BEND5: variants seen among roughly 807,000 people sequenced by gnomAD.
BEND5 encodes BEN domain-containing protein 5.
BEND5 carries 22 observed loss-of-function variants against 43.9 expected under a neutral mutation model. The observed-to-expected ratio is 0.50, with a 90% CI of 0.36 to 0.72. The LOEUF is 0.72. Among genes scored for constraint, BEND5 ranks in the 30% least tolerant of loss-of-function variants. BEND5 has a pLI of 0.00. For synonymous variants in BEND5, 228 were observed against 225.9 expected (o/e 1.01, Z -0.08); for missense variants, 428 against 550.6 (o/e 0.78, Z 2.23).
At chr1:48,776,388 G>A (rs1270983113) in intron 1 of BEND5, among the ~76,000 whole-genome samples, 1 of 152,186 alleles carries the variant, frequency 6.6e-6, no homozygotes, top group Non-Finnish European at 1.5e-5. Context: ...GGGAGCTTCG[G>A]GGAAGCGGGG....
intron 5 of BEND5, among the ~76,000 whole-genome samples, chr1:48,733,926 C>T (rs72904827): frequency 0.02 from 3,056 of 152,200 alleles, 113 homozygotes; most frequent in African/African-American, 0.07. Flanking sequence ...GAAGGAGACA[C>T]ACAGCAGATG....
chr1:48,730,355 G>A (rs569788668), intron 5 of BEND5, among the ~76,000 whole-genome samples: 39 of 152,284 alleles, frequency 2.6e-4, no homozygotes, highest in African/African-American at 9.1e-4. Flanking sequence ...CCTAGATGCT[G>A]TGCAACCTCT....
At chr1:48,748,980 A>C (rs1367186595) in intron 3 of BEND5, among the ~76,000 whole-genome samples, 5 of 151,936 alleles carry the variant, frequency 3.3e-5, no homozygotes, top group Admixed American at 1.3e-4. Flanking sequence ...GTGGGGCCAT[A>C]CCCTCGGGGA....
At chr1:48,742,526 A>G in intron 4 of BEND5, 97 bp downstream of exon 4, 1 of 1,259,788 alleles carries the variant, frequency 7.9e-7, no homozygotes, top group East Asian at 2.8e-5. Context: ...GAGGCCAACC[A>G]GTCAAGCTGC....
Position 48,727,663 on chromosome 1 carries a change from C to G in BEND5, c.*223G>C. 1 of 331,594 alleles carries G rather than the reference C, an allele frequency of 3.0e-6. No individual in the cohort carries two copies. The highest frequency in any genetic ancestry group is 5.4e-6 in the Non-Finnish European group (1 of 183,530). 20.5% of individuals were successfully genotyped at this position (331,594 alleles called of 1,614,324 possible). On this transcript the variant is annotated 3_prime_UTR_variant, in exon 6 of 6. Transcript: ENST00000371833. ...TCCCCCTCCAAGAAGAGTGTTTTCC[C>G]CATTCCCAGAAGGACACCAGTGCCA...
chr1:48,729,121 C>T (rs138544046), intron 5 of BEND5, among the ~76,000 whole-genome samples: 91 of 152,140 alleles, frequency 6.0e-4, no homozygotes, highest in Non-Finnish European at 1.0e-3. Flanking sequence ...TTTTTTAATG[C>T]TGCCATGAGG....
At chr1:48,750,032 A>G (rs1651427639) in intron 3 of BEND5, among the ~76,000 whole-genome samples, 1 of 152,132 alleles carries the variant, frequency 6.6e-6, no homozygotes, top group Non-Finnish European at 1.5e-5. Flanking sequence ...TGAGGAGGCA[A>G]AGTTTGATCA....
At chr1:48,729,095 A>T (rs1647677577) in intron 5 of BEND5, among the ~76,000 whole-genome samples, 1 of 152,022 alleles carries the variant, frequency 6.6e-6, no homozygotes, top group Non-Finnish European at 1.5e-5. Context: ...TAAGGATAAC[A>T]AACTACAGAG....
At chr1:48,760,619 C>A (rs182473425) in intron 2 of BEND5, among the ~76,000 whole-genome samples, 176 of 152,260 alleles carry the variant, frequency 1.2e-3, no homozygotes, top group African/African-American at 4.1e-3. Flanking sequence ...CAGGGCCAGG[C>A]GCATAGCAGG....
chr1:48,744,867 G>T lies in BEND5; in HGVS notation c.746-2096C>A, dbSNP rs1650486029. Among the ~76,000 whole-genome samples, 4 of 152,184 alleles carry T rather than the reference G, an allele frequency of 2.6e-5. No homozygotes were observed. The South Asian group carries it at 8.3e-4, about 32-fold the overall frequency. On this transcript the variant is annotated intron_variant, in intron 3 of 5. Coordinates refer to ENST00000371833, the MANE Select transcript of BEND5 (RefSeq NM_024603.4). ...GCTCAGGTACCCCAAATGCTATGTTGTTCCAGGCCTCTGTGCTGTTTGTCT... is the reference window on the plus strand; with the variant it reads ...GCTCAGGTACCCCAAATGCTATGTTTTTCCAGGCCTCTGTGCTGTTTGTCT...
At position 48,761,445 on chromosome 1, in the gene BEND5, A is replaced by C. The variant is rs1265044870; in HGVS notation, c.252T>G (p.Ser84Arg). 5 of 1,551,072 alleles carry C rather than the reference A, an allele frequency of 3.2e-6. No homozygotes were observed. In the African/African-American group the frequency reaches 6.8e-5, roughly 21 times the overall value. The change falls in exon 2 of 6, where the codon AGT (serine) becomes AGG (arginine). Residue 84 changes from serine to arginine, a missense_variant. Physicochemically the swap from Ser to Arg is moderately radical, Grantham distance 110 (BLOSUM62 -1). Coordinates refer to ENST00000371833, the MANE Select transcript of BEND5 (RefSeq NM_024603.4). ...GGATTTTTATTTTCTTCTGCATCAC[A>C]CTGTTTTCAAGGTCAGATTTGTCTT... ...LAEDKSDLEN[S>R]VMQKKIKIPK...
intron 4 of BEND5, among the ~76,000 whole-genome samples, chr1:48,742,281 G>T (rs1650030243): frequency 6.6e-6 from 1 of 152,148 alleles, no homozygotes; most frequent in African/African-American, 2.4e-5. Context: ...TAGGCATCTG[G>T]TTACATAGGA....
At chr1:48,739,535 C>T (rs1649584928) in intron 4 of BEND5, among the ~76,000 whole-genome samples, 1 of 152,174 alleles carries the variant, frequency 6.6e-6, no homozygotes, top group Admixed American at 6.5e-5. Flanking sequence ...GCCGTAACAT[C>T]AAGAGGATGG....
intron 3 of BEND5, among the ~76,000 whole-genome samples, chr1:48,753,083 T>C (rs1014719077): frequency 6.6e-6 from 1 of 152,232 alleles, no homozygotes; most frequent in African/African-American, 2.4e-5. Context: ...TAGCTGATAC[T>C]ATCATTCACT....
At chr1:48,747,951 T>G (rs1651024934) in intron 3 of BEND5, among the ~76,000 whole-genome samples, 1 of 152,200 alleles carries the variant, frequency 6.6e-6, no homozygotes, top group African/African-American at 2.4e-5. Flanking sequence ...AAAAAAGGAC[T>G]AAATCCTTTT....
chr1:48,756,231 C>T (rs781027151), intron 3 of BEND5, among the ~76,000 whole-genome samples: 1 of 152,194 alleles, frequency 6.6e-6, no homozygotes, highest in South Asian at 2.1e-4. Context: ...GTTTGGGTAA[C>T]AAAAATTCAT....
At chr1:48,737,615 A>G (rs1649277159) in intron 4 of BEND5, among the ~76,000 whole-genome samples, 1 of 152,234 alleles carries the variant, frequency 6.6e-6, no homozygotes, top group Non-Finnish European at 1.5e-5. Flanking sequence ...CAAAGAACAA[A>G]ACACAATCTT....
rs1649156328 is a variant in BEND5, at chr1:48,736,957, C to G, written c.895-505G>C. Among the ~76,000 whole-genome samples the G allele has an allele frequency of 6.6e-6, 1 of 152,114 alleles. No individual in the cohort carries two copies. The highest frequency in any genetic ancestry group is 2.4e-5 in the African/African-American group (1 of 41,422). Reference sequence around the variant, plus strand: ...CTAGTATGGTGGTTCTCAACCTTGGCTGCACACAGGGGTCACCTAGGGAGC... The same window carrying G: ...CTAGTATGGTGGTTCTCAACCTTGGGTGCACACAGGGGTCACCTAGGGAGC... On this transcript the variant is annotated intron_variant, in intron 4 of 5. Coordinates refer to ENST00000371833, the MANE Select transcript of BEND5 (RefSeq NM_024603.4). This position sits in a 1 kb window ranked among gnomAD's most constrained non-coding sequence, Gnocchi z 4.0.
At chr1:48,750,470 C>T (rs1651514674) in intron 3 of BEND5, among the ~76,000 whole-genome samples, 1 of 152,158 alleles carries the variant, frequency 6.6e-6, no homozygotes. Context: ...CCACCCACAA[C>T]TCTCCTACCC....
Sources: allele counts gnomAD v4.1 joint callset (sites outside exome capture counted in the v4.1 genomes callset), GRCh38; gene constraint gnomAD v4.1.1; non-coding constraint Gnocchi (gnomAD v3.1); transcripts MANE v1.5; gene names NCBI Gene and HGNC (gene_info 2026-07-23, HGNC 2026-07-21).